The following ZDHHC14 variants were observed in gnomAD, a reference collection of about 807,000 sequenced individuals.
ZDHHC14 encodes zDHHC palmitoyltransferase 14.
A neutral mutation model predicts 47.7 loss-of-function variants in ZDHHC14; 16 were observed. The observed-to-expected ratio is 0.34, with a 90% CI of 0.23 to 0.51. ZDHHC14 has a LOEUF of 0.51. Ranked by LOEUF, ZDHHC14 falls within the 20% of genes least tolerant of loss-of-function variation. The pLI, the probability that ZDHHC14 is intolerant of heterozygous loss-of-function variation, is 0.97. For missense variants in ZDHHC14, 515 were observed against 662.5 expected (o/e 0.78, Z 2.44); for synonymous variants, 293 against 278.9 (o/e 1.05, Z -0.50).
chr6:157,581,863 G>A (rs1205501007), intron 2 of ZDHHC14, among the ~76,000 whole-genome samples: 1 of 151,534 alleles, frequency 6.6e-6, no homozygotes, highest in Non-Finnish European at 1.5e-5. Flanking sequence ...GGGTCATTGG[G>A]TCTTGCTTCT....
chr6:157,484,776 CA>C (rs1165684751), intron 1 of ZDHHC14, among the ~76,000 whole-genome samples: 1 of 151,964 alleles, frequency 6.6e-6, no homozygotes, highest in Non-Finnish European at 1.5e-5. Context: ...ATCTGGGGTG[CA>C]AACACAATTG....
At chr6:157,484,953 C>G (rs1256566674) in intron 1 of ZDHHC14, among the ~76,000 whole-genome samples, 1 of 151,980 alleles carries the variant, frequency 6.6e-6, no homozygotes, top group African/African-American at 2.4e-5. Context: ...CAAAAATTAG[C>G]CGGATGTGAT....
At chr6:157,533,273 G>A (rs1781429049) in intron 1 of ZDHHC14, among the ~76,000 whole-genome samples, 1 of 152,126 alleles carries the variant, frequency 6.6e-6, no homozygotes, top group African/African-American at 2.4e-5. Context: ...TTTTTCTAGT[G>A]GGGTCAGACA....
intron 8 of ZDHHC14, among the ~76,000 whole-genome samples, chr6:157,670,937 G>T (rs897938163): frequency 6.6e-6 from 1 of 152,212 alleles, no homozygotes; most frequent in Non-Finnish European, 1.5e-5. Flanking sequence ...AACCCATGAG[G>T]CTGGGAAGGA....
chr6:157,634,946 G>A (rs1460193631), intron 5 of ZDHHC14, among the ~76,000 whole-genome samples: 1 of 152,050 alleles, frequency 6.6e-6, no homozygotes, highest in East Asian at 1.9e-4. Flanking sequence ...CCCTTCAGGT[G>A]GAGCATAGAG....
At chr6:157,563,791 T>C (rs975013382) in intron 2 of ZDHHC14, among the ~76,000 whole-genome samples, 21 of 152,194 alleles carry the variant, frequency 1.4e-4, no homozygotes, top group African/African-American at 4.8e-4. Context: ...GTTGAGGCTG[T>C]GGGGCTGCGG....
chr6:157,475,995 A>AGTATTTGC (rs1779472729), intron 1 of ZDHHC14, among the ~76,000 whole-genome samples: 1 of 152,178 alleles, frequency 6.6e-6, no homozygotes, highest in Admixed American at 6.5e-5. Flanking sequence ...TACTTGCATC[A>AGTATTTGC]AAAAAGAGGA....
rs1300373340 is a variant in ZDHHC14, at chr6:157,673,163, A to G, written c.*41A>G. The G allele has an allele frequency of 6.5e-7, 1 of 1,527,638 alleles. No individual in the cohort carries two copies. The highest frequency in any genetic ancestry group is 1.2e-5 in the South Asian group (1 of 81,542). The allele number at this position is 1,527,638 out of a possible 1,614,324, so 94.6% of individuals were successfully genotyped here. Reference sequence around the variant, plus strand: ...GCCGGGGGACACCAGAGGCTCCTCCATGGGCAGCAGGAGTGAGCGGAGGGG... The same window carrying G: ...GCCGGGGGACACCAGAGGCTCCTCCGTGGGCAGCAGGAGTGAGCGGAGGGG... On this transcript the variant is annotated 3_prime_UTR_variant, in exon 9 of 9. Coordinates refer to ENST00000359775, the MANE Select transcript of ZDHHC14 (RefSeq NM_024630.3). The surrounding 1 kb of genome is among the most constrained non-coding windows in gnomAD (Gnocchi z 5.4).
intron 1 of ZDHHC14, among the ~76,000 whole-genome samples, chr6:157,515,655 C>CG (rs1278825643): frequency 1.3e-5 from 2 of 151,468 alleles, no homozygotes; most frequent in Admixed American, 6.6e-5. Context: ...TTAGTAGAGA[C>CG]GGGGTTTCAC....
chr6:157,545,837 G>A (rs1781949665), intron 2 of ZDHHC14, among the ~76,000 whole-genome samples: 1 of 152,162 alleles, frequency 6.6e-6, no homozygotes, highest in African/African-American at 2.4e-5. Flanking sequence ...GGTGAGCGGT[G>A]CAGTTTTCTA....
intron 1 of ZDHHC14, among the ~76,000 whole-genome samples, chr6:157,460,620 C>T (rs976128321): frequency 1.3e-5 from 2 of 152,086 alleles, no homozygotes; most frequent in African/African-American, 4.8e-5. Context: ...ATCCAATTTC[C>T]CATATGCCAT....
chr6:157,642,214 T>C (rs958837417), intron 5 of ZDHHC14, among the ~76,000 whole-genome samples: 1 of 152,238 alleles, frequency 6.6e-6, no homozygotes, highest in Non-Finnish European at 1.5e-5. Context: ...TGTGGTCCCA[T>C]GATCTCTCAC....
intron 2 of ZDHHC14, among the ~76,000 whole-genome samples, chr6:157,574,530 T>G (rs1783226559): frequency 6.6e-6 from 1 of 152,136 alleles, no homozygotes. Flanking sequence ...TAGTTGCTCA[T>G]GGTCAATACC....
intron 1 of ZDHHC14, among the ~76,000 whole-genome samples, chr6:157,485,689 T>TA (rs1779760616): frequency 6.6e-6 from 1 of 151,914 alleles, no homozygotes. Context: ...GATTTTTTTT[T>TA]TTTTTTGAAG....
intron 1 of ZDHHC14, among the ~76,000 whole-genome samples, chr6:157,385,170 C>G (rs1406949999): frequency 6.6e-6 from 1 of 151,712 alleles, no homozygotes; most frequent in Non-Finnish European, 1.5e-5. Flanking sequence ...CTCACTGTAG[C>G]CTTGACCGCC....
Position 157,628,353 on chromosome 6 carries a change from G to T in ZDHHC14, c.570G>T (p.Arg190=), listed in dbSNP as rs767937216. ...HCSLCDNCVE[R]FDHHCPWVGN... ...TTTTTCTGCCTCTCATTTCAGAACGGTTTGATCACCACTGTCCCTGGGTAG... is the reference window on the plus strand; with the variant it reads ...TTTTTCTGCCTCTCATTTCAGAACGTTTTGATCACCACTGTCCCTGGGTAG... The change falls in exon 4 of 9, where the codon CGG becomes CGT. Residue 190 remains arginine (R), a synonymous_variant. Coordinates refer to ENST00000359775, the MANE Select transcript of ZDHHC14 (RefSeq NM_024630.3). 1.3e-5 allele frequency: 21 copies of T among 1,592,864 alleles called. No individual in the cohort carries two copies. In the South Asian group the frequency reaches 2.2e-4, roughly 17 times the overall value.
At chr6:157,491,106 A>G (rs1054121607) in intron 1 of ZDHHC14, among the ~76,000 whole-genome samples, 1 of 152,142 alleles carries the variant, frequency 6.6e-6, no homozygotes, top group African/African-American at 2.4e-5. Context: ...CCTCAATACC[A>G]GTGCTTCTGA....
rs373321908 is a variant in ZDHHC14, at chr6:157,434,218, T to TTATATATATATATATATATA, written c.245+51970_245+51971insTATATATATATATATATATA. Among the ~76,000 whole-genome samples the TTATATATATATATATATATA allele has an allele frequency of 3.9e-3, 578 of 146,432 alleles. 6 individuals carry two copies. Among genetic ancestry groups the TTATATATATATATATATATA allele is most frequent in the African/African-American group, 0.013 (514 of 39,088 alleles). Reference sequence around the variant, plus strand: ...TTTAGAGAGAAGCTAGCTTATAATTTTATATATATATATATATAATTCTTT... The same window carrying TTATATATATATATATATATA: ...TTTAGAGAGAAGCTAGCTTATAATTTTATATATATATATATATATATATATATATATATATATAATTCTTT... On this transcript the variant is annotated intron_variant, in intron 1 of 8. Transcript: ENST00000359775.
intron 5 of ZDHHC14, among the ~76,000 whole-genome samples, chr6:157,639,102 G>A (rs562962650): frequency 2.6e-5 from 4 of 152,366 alleles, no homozygotes; most frequent in African/African-American, 9.6e-5. Flanking sequence ...GCCCTGCATC[G>A]TGTGAGCACA....
Sources: gnomAD v4.1 joint callset for allele counts (sites outside exome capture counted in the v4.1 genomes callset) on GRCh38, gnomAD v4.1.1 for gene constraint, Gnocchi (gnomAD v3.1) non-coding constraint, MANE v1.5 for transcripts, NCBI Gene and HGNC (gene_info 2026-07-23, HGNC 2026-07-21) for gene names.